PDZRN4: variants seen among roughly 807,000 people sequenced by gnomAD.
PDZRN4 encodes PDZ domain-containing RING finger protein 4.
In PDZRN4, 70 loss-of-function variants were observed where a neutral mutation model predicts 99.0. That is an observed-to-expected ratio of 0.71 (90% CI 0.58 to 0.86). The LOEUF (loss-of-function observed/expected upper bound fraction) is 0.86, where lower values mean the gene tolerates loss of function less well. PDZRN4 is among the 40% of genes least tolerant of loss of function. The pLI, the probability that PDZRN4 is intolerant of heterozygous loss-of-function variation, is 0.00. For missense variants in PDZRN4, 1,474 were observed against 1,331.2 expected (o/e 1.11, Z -1.67); for synonymous variants, 551 against 501.6 (o/e 1.10, Z -1.32).
intron 3 of PDZRN4, among the ~76,000 whole-genome samples, chr12:41,460,628 T>A (rs1467466033): frequency 6.6e-6 from 1 of 152,202 alleles, no homozygotes; most frequent in East Asian, 1.9e-4. Context: ...TTAGAAGTTG[T>A]GACGTATTTT....
At chr12:41,477,508 G>A (rs1383093905) in intron 3 of PDZRN4, among the ~76,000 whole-genome samples, 1 of 152,194 alleles carries the variant, frequency 6.6e-6, no homozygotes, top group African/African-American at 2.4e-5. Context: ...ATGGTGAAAA[G>A]GATGGATGTG....
At chr12:41,290,108 G>C (rs1386931873) in intron 3 of PDZRN4, among the ~76,000 whole-genome samples, 1 of 152,146 alleles carries the variant, frequency 6.6e-6, no homozygotes, top group African/African-American at 2.4e-5. Context: ...AGATTTATTT[G>C]ATGCTTGAGA....
intron 3 of PDZRN4, among the ~76,000 whole-genome samples, chr12:41,400,147 T>A (rs1208745382): frequency 6.6e-6 from 1 of 152,154 alleles, no homozygotes; most frequent in African/African-American, 2.4e-5. Context: ...ACACAATACA[T>A]CTCTTTGTTT....
At chr12:41,364,067 T>C (rs931034940) in intron 3 of PDZRN4, among the ~76,000 whole-genome samples, 4 of 152,050 alleles carry the variant, frequency 2.6e-5, no homozygotes, top group Admixed American at 1.3e-4. Flanking sequence ...AATATAATAA[T>C]ACAAGGAAGA....
intron 3 of PDZRN4, among the ~76,000 whole-genome samples, chr12:41,391,017 A>G (rs1023661135): frequency 6.6e-6 from 1 of 152,180 alleles, no homozygotes; most frequent in Non-Finnish European, 1.5e-5. Flanking sequence ...CTGGACATGC[A>G]ATTTCAAATG....
At chr12:41,352,116 G>T (rs1196623008) in intron 3 of PDZRN4, among the ~76,000 whole-genome samples, 6 of 152,076 alleles carry the variant, frequency 3.9e-5, no homozygotes, top group Non-Finnish European at 8.8e-5. Context: ...ACACCGTGTG[G>T]TCATGTAAGA....
chr12:41,486,702 G>A (rs150035847), intron 3 of PDZRN4, among the ~76,000 whole-genome samples: 13 of 152,212 alleles, frequency 8.5e-5, no homozygotes, highest in South Asian at 2.1e-4. Flanking sequence ...GTAAGAAAAG[G>A]GGGGAGAGCT....
At chr12:41,524,610 A>AG (rs1938542185) in intron 5 of PDZRN4, among the ~76,000 whole-genome samples, 1 of 152,160 alleles carries the variant, frequency 6.6e-6, no homozygotes, top group African/African-American at 2.4e-5. Flanking sequence ...TATAGAAGAC[A>AG]GGGGAGAATT....
chr12:41,382,296 C>G (rs1461222001), intron 3 of PDZRN4, among the ~76,000 whole-genome samples: 2 of 152,076 alleles, frequency 1.3e-5, no homozygotes, highest in African/African-American at 4.8e-5. Context: ...AGACTGTGCT[C>G]TACAATTGGG....
intron 5 of PDZRN4, among the ~76,000 whole-genome samples, chr12:41,515,793 G>T (rs1037263149): frequency 6.6e-6 from 1 of 151,836 alleles, no homozygotes; most frequent in Non-Finnish European, 1.5e-5. Flanking sequence ...GTCTTTGCAG[G>T]CTGTCCTATT....
intron 3 of PDZRN4, among the ~76,000 whole-genome samples, chr12:41,197,142 A>G (rs1182294964): frequency 6.6e-6 from 1 of 152,152 alleles, no homozygotes; most frequent in Non-Finnish European, 1.5e-5. Context: ...TGCTTGATGC[A>G]CACATACAAG....
intron 5 of PDZRN4, among the ~76,000 whole-genome samples, chr12:41,519,739 C>A (rs996977048): frequency 6.6e-6 from 1 of 152,004 alleles, no homozygotes; most frequent in African/African-American, 2.4e-5. Context: ...GCTTCATTTT[C>A]TTTTGAAATT....
intron 3 of PDZRN4, among the ~76,000 whole-genome samples, chr12:41,307,131 T>TA (rs2120941849): frequency 6.6e-6 from 1 of 152,290 alleles, no homozygotes; most frequent in South Asian, 2.1e-4. Context: ...CAGTATTTGT[T>TA]ATAGCAGCAC....
At chr12:41,454,250 A>G (rs545528338) in intron 3 of PDZRN4, among the ~76,000 whole-genome samples, 1 of 152,250 alleles carries the variant, frequency 6.6e-6, no homozygotes, top group Non-Finnish European at 1.5e-5. Flanking sequence ...CTCACAACAC[A>G]TTTGTTTAAT....
intron 3 of PDZRN4, among the ~76,000 whole-genome samples, chr12:41,331,960 G>A (rs1271810379): frequency 1.3e-5 from 2 of 152,052 alleles, no homozygotes; most frequent in African/African-American, 4.8e-5. Flanking sequence ...AAAGAGCTAG[G>A]GTAGGAAATG....
intron 5 of PDZRN4, among the ~76,000 whole-genome samples, chr12:41,543,703 AG>A: frequency 6.6e-6 from 1 of 152,260 alleles, no homozygotes; most frequent in South Asian, 2.1e-4. Context: ...GGCATGATAA[AG>A]CTTTGAGCTA....
chr12:41,423,402 T>G (rs1325642395), intron 3 of PDZRN4, among the ~76,000 whole-genome samples: 2 of 152,124 alleles, frequency 1.3e-5, no homozygotes, highest in African/African-American at 4.8e-5. Context: ...GGTGTTTGGT[T>G]TTCGGTTCTT....
rs551711663 is a variant in PDZRN4 at position 41,342,121 on chromosome 12, G to T, written c.843+147933G>T. 2.2e-3 allele frequency among the ~76,000 whole-genome samples: 331 copies of T among 151,978 alleles called. 2 individuals carry two copies. Among genetic ancestry groups the T allele is most frequent in the African/African-American group, 7.4e-3 (307 of 41,510 alleles). On this transcript the variant is annotated intron_variant, in intron 3 of 9. Transcript: ENST00000402685. ...GAAAAAGATAGTTTATTCAATAAAT[G>T]GTGCTGGGGTAATTAGATATTCACA...
At chr12:41,308,010 G>T (rs763125795) in intron 3 of PDZRN4, among the ~76,000 whole-genome samples, 7 of 151,998 alleles carry the variant, frequency 4.6e-5, no homozygotes, top group Non-Finnish European at 8.8e-5. Flanking sequence ...TTATTAAGTG[G>T]TTGAATTTAG....
Sources: gnomAD v4.1 joint callset for allele counts (sites outside exome capture counted in the v4.1 genomes callset) on GRCh38, gnomAD v4.1.1 for gene constraint, MANE v1.5 for transcripts, NCBI Gene and HGNC (gene_info 2026-07-23, HGNC 2026-07-21) for gene names.